MSRA: variants seen among roughly 807,000 people sequenced by gnomAD.
MSRA encodes mitochondrial peptide methionine sulfoxide reductase.
A neutral mutation model predicts 31.3 loss-of-function variants in MSRA; 54 were observed. The observed-to-expected ratio is 1.73, with a 90% CI of 1.39 to 2.17. The LOEUF is 2.17. Ranked by LOEUF, MSRA falls within the 30% of genes most tolerant of loss-of-function variation. The pLI, the probability that MSRA is intolerant of heterozygous loss-of-function variation, is 0.00. For missense variants in MSRA, 507 were observed against 300.9 expected (o/e 1.69, Z -5.07); for synonymous variants, 169 against 116.5 (o/e 1.45, Z -2.90).
intron 5 of MSRA, among the ~76,000 whole-genome samples, chr8:10,357,325 C>T (rs1010170519): frequency 1.3e-5 from 2 of 152,198 alleles, no homozygotes; most frequent in African/African-American, 4.8e-5. Context: ...ACAGGTCTTA[C>T]AGGAAAGTCA....
chr8:10,131,970 T>C (rs1423401140), intron 1 of MSRA, among the ~76,000 whole-genome samples: 1 of 152,258 alleles, frequency 6.6e-6, no homozygotes. Context: ...ATGATGTTTA[T>C]AAGCCTTTTA....
chr8:10,390,705 T>C (rs541105427), intron 5 of MSRA, among the ~76,000 whole-genome samples: 1 of 152,258 alleles, frequency 6.6e-6, no homozygotes, highest in Non-Finnish European at 1.5e-5. Context: ...GTGTATTACC[T>C]CATTTAACCC....
intron 1 of MSRA, among the ~76,000 whole-genome samples, chr8:10,185,670 C>T (rs572587139): frequency 6.6e-6 from 1 of 152,192 alleles, no homozygotes; most frequent in African/African-American, 2.4e-5. Context: ...AGAGCCAGGC[C>T]CTGGTGGTAT....
At chr8:10,205,335 G>C (rs980779711) in intron 1 of MSRA, among the ~76,000 whole-genome samples, 3 of 152,100 alleles carry the variant, frequency 2.0e-5, no homozygotes, top group African/African-American at 7.2e-5. Flanking sequence ...GTGTCTGGAG[G>C]GGGACAGTCG....
At chr8:10,319,840 C>A in intron 4 of MSRA, 43 bp from the exon 5 acceptor site, 2 of 1,256,778 alleles carry the variant, frequency 1.6e-6, no homozygotes, top group South Asian at 3.8e-5. Context: ...CTGGCACTGT[C>A]GCCTAGTGAC....
At chr8:10,269,415 C>T (rs1161008072) in intron 3 of MSRA, among the ~76,000 whole-genome samples, 2 of 152,188 alleles carry the variant, frequency 1.3e-5, no homozygotes, top group African/African-American at 2.4e-5. Context: ...AAGAAACAAC[C>T]CGTGTTACCA....
intron 1 of MSRA, among the ~76,000 whole-genome samples, chr8:10,173,515 G>T (rs1160968591): frequency 6.6e-6 from 1 of 152,186 alleles, no homozygotes; most frequent in Non-Finnish European, 1.5e-5. Context: ...TGAAGGAATC[G>T]GCCTCCTCTG....
intron 1 of MSRA, among the ~76,000 whole-genome samples, chr8:10,075,560 T>A (rs933486264): frequency 6.6e-6 from 1 of 152,176 alleles, no homozygotes; most frequent in African/African-American, 2.4e-5. Context: ...TATTGGTGAG[T>A]GAAAGAAATG....
At chr8:10,277,436 T>A (rs996424349) in intron 3 of MSRA, among the ~76,000 whole-genome samples, 9 of 152,192 alleles carry the variant, frequency 5.9e-5, no homozygotes, top group African/African-American at 2.2e-4. Flanking sequence ...TTTCTAAGAA[T>A]AGGAAATTGA....
At chr8:10,209,425 T>C (rs1428396946) in intron 2 of MSRA, among the ~76,000 whole-genome samples, 1 of 152,238 alleles carries the variant, frequency 6.6e-6, no homozygotes, top group Non-Finnish European at 1.5e-5. Context: ...AACTTCTTTC[T>C]TGAAGGGCAG....
In MSRA at chr8:10,325,065, G is replaced by A. The variant is rs577839343; in HGVS notation, c.543+5076G>A. Among the ~76,000 whole-genome samples, 4 of 152,308 alleles carry A rather than the reference G, an allele frequency of 2.6e-5. No individual in the cohort carries two copies. In the South Asian group the frequency reaches 8.3e-4, roughly 32 times the overall value. On this transcript the variant is annotated intron_variant, in intron 5 of 5. Coordinates refer to ENST00000317173, the MANE Select transcript of MSRA (RefSeq NM_012331.5). ...CTGGGTACTGTGGCTGGCCTAGCAA[G>A]AGGCAGATGGGGCCACAGGGATCTA...
At chr8:10,073,146 C>T (rs1797825719) in intron 1 of MSRA, among the ~76,000 whole-genome samples, 1 of 151,836 alleles carries the variant, frequency 6.6e-6, no homozygotes, top group Non-Finnish European at 1.5e-5. Flanking sequence ...ATTTCCCTAG[C>T]CTTAAAAAAA....
At chr8:10,163,243 A>C (rs1407888543) in intron 1 of MSRA, among the ~76,000 whole-genome samples, 1 of 152,208 alleles carries the variant, frequency 6.6e-6, no homozygotes, top group Middle Eastern at 3.2e-3. Context: ...AGTCTGTGGC[A>C]GTTCGTTATA....
intron 2 of MSRA, among the ~76,000 whole-genome samples, chr8:10,239,132 C>T (rs1274573369): frequency 6.6e-6 from 1 of 152,054 alleles, no homozygotes; most frequent in East Asian, 1.9e-4. Context: ...AAGAGATGCT[C>T]AACCTCAGTG....
chr8:10,148,650 A>C (rs542040603), intron 1 of MSRA, among the ~76,000 whole-genome samples: 101 of 152,064 alleles, frequency 6.6e-4, no homozygotes, highest in Non-Finnish European at 1.2e-3. Flanking sequence ...TCATCTTAAA[A>C]AAAAAAAAAC....
intron 1 of MSRA, chr8:10,095,885 G>T: frequency 7.8e-7 from 1 of 1,283,310 alleles, no homozygotes; most frequent in Non-Finnish European, 9.9e-7. Context: ...TTTTTTGCAT[G>T]TATGATTATA....
At chr8:10,262,809 G>A (rs1271756793) in intron 3 of MSRA, among the ~76,000 whole-genome samples, 1 of 152,220 alleles carries the variant, frequency 6.6e-6, no homozygotes, top group African/African-American at 2.4e-5. Flanking sequence ...CAGAAAGTCA[G>A]GTTGGACTGT....
chr8:10,059,913 C>CA (rs1157094485), intron 1 of MSRA, among the ~76,000 whole-genome samples: 4 of 152,112 alleles, frequency 2.6e-5, no homozygotes, highest in Admixed American at 1.3e-4. Flanking sequence ...ATGCAAATAC[C>CA]ATTTTTCATG....
chr8:10,213,432 CTTTTTT>C lies in MSRA; in HGVS notation c.211+5550_211+5555del, dbSNP rs1198665886. Among the ~76,000 whole-genome samples the C allele has an allele frequency of 2.9e-4, 22 of 76,750 alleles. 1 individual carries two copies. The highest frequency in any genetic ancestry group is 5.6e-4 in the Admixed American group (3 of 5,372). 50.4% of individuals were successfully genotyped at this position (76,750 alleles called of 152,430 possible). On this transcript the variant is annotated intron_variant, in intron 2 of 5. Coordinates refer to ENST00000317173, the MANE Select transcript of MSRA (RefSeq NM_012331.5). Reference sequence around the variant, plus strand: ...CCATTGTGTACATGTACCACACTTTCTTTTTTTTTTTTTTTTTTTTTTTTGAGACAG... The same window carrying C: ...CCATTGTGTACATGTACCACACTTTCTTTTTTTTTTTTTTTTTTGAGACAG...
Sources: allele counts gnomAD v4.1 joint callset (sites outside exome capture counted in the v4.1 genomes callset), GRCh38; gene constraint gnomAD v4.1.1; transcripts MANE v1.5; gene names NCBI Gene and HGNC (gene_info 2026-07-23, HGNC 2026-07-21).